Variants in FER1L6 observed in about 807,000 individuals in gnomAD.
FER1L6 encodes fer-1 like family member 6.
FER1L6 carries 177 observed loss-of-function variants against 219.2 expected under a neutral mutation model. That is an observed-to-expected ratio of 0.81 (90% CI 0.71 to 0.91). FER1L6 has a LOEUF of 0.91. FER1L6 is among the 40% of genes least tolerant of loss of function. The pLI is 0.00. For missense variants in FER1L6, 2,153 were observed against 2,259.9 expected (o/e 0.95, Z 0.96); for synonymous variants, 768 against 824.3 (o/e 0.93, Z 1.17).
chr8:124,034,038 A>G (rs1031947068), intron 18 of FER1L6, among the ~76,000 whole-genome samples: 3 of 152,148 alleles, frequency 2.0e-5, no homozygotes, highest in Non-Finnish European at 4.4e-5. Flanking sequence ...GCAAACAGCC[A>G]TGCTCAATTT....
chr8:123,891,819 A>G (rs1226924312), intron 1 of FER1L6, among the ~76,000 whole-genome samples: 1 of 152,230 alleles, frequency 6.6e-6, no homozygotes, highest in East Asian at 1.9e-4. Flanking sequence ...TTTGTGAGAC[A>G]CAGGGCCAGA....
chr8:123,966,555 C>A (rs1453097447), intron 5 of FER1L6, among the ~76,000 whole-genome samples: 2 of 152,152 alleles, frequency 1.3e-5, no homozygotes, highest in African/African-American at 2.4e-5. Flanking sequence ...TTATTATCAG[C>A]TCATTTTCAT....
At chr8:124,080,627 G>GT (rs1481433710) in intron 32 of FER1L6, among the ~76,000 whole-genome samples, 1 of 152,038 alleles carries the variant, frequency 6.6e-6, no homozygotes, top group Non-Finnish European at 1.5e-5. Context: ...CCTGTTTTTG[G>GT]TAACTTTTAT....
intron 12 of FER1L6, among the ~76,000 whole-genome samples, chr8:123,989,520 T>C (rs550212443): frequency 1.6e-4 from 24 of 152,332 alleles, no homozygotes; most frequent in Admixed American, 1.4e-3. Flanking sequence ...ACCCAAGCAG[T>C]GTACATTGTA....
chr8:124,015,849 GA>G (rs761891805), intron 15 of FER1L6: 8 of 152,380 alleles, frequency 5.3e-5, no homozygotes, highest in Non-Finnish European at 1.2e-4. Flanking sequence ...TTTATATCTG[GA>G]AAAGTTAGGT....
At chr8:124,060,804 A>G in intron 24 of FER1L6, 95 bp downstream of exon 24, 1 of 1,363,670 alleles carries the variant, frequency 7.3e-7, no homozygotes, top group Non-Finnish European at 1.0e-6. Flanking sequence ...TGCGAGAAAG[A>G]ATTAATTTAG....
At position 123,980,536 on chromosome 8, in the gene FER1L6, G is replaced by C; in HGVS notation, c.1135G>C (p.Asp379His). ...GSPRNHSLMD[D>H]YQEMNEGFGE... is the part of the protein sequence containing the mutation. ...GCCCAGGAACCACAGTCTGATGGAT[G>C]ACTACCAGGAAATGAACGAAGGCTT... Residue 379 changes from aspartate to histidine, a missense_variant, in exon 11 of 41, where the codon GAC becomes CAC. Asp to His is a moderately conservative substitution (Grantham distance 81). Transcript: ENST00000522917. The C allele has an allele frequency of 9.9e-6, 16 of 1,614,114 alleles. No homozygotes were observed. The highest frequency in any genetic ancestry group is 1.3e-5 in the Non-Finnish European group (15 of 1,180,006).
chr8:123,980,413 C>A (rs371422017), intron 10 of FER1L6, 52 bp from the exon 11 acceptor site: 2 of 1,454,904 alleles, frequency 1.4e-6, no homozygotes, highest in African/African-American at 1.4e-5. Context: ...ATGTGTGCAA[C>A]TTTTATAAAG....
At chr8:123,976,534 C>T (rs187494801) in intron 9 of FER1L6, among the ~76,000 whole-genome samples, 5 of 151,196 alleles carry the variant, frequency 3.3e-5, no homozygotes, top group East Asian at 3.9e-4. Flanking sequence ...GAAAAGGCAA[C>T]GGGATGTGGC....
chr8:123,945,492 T>A (rs1244886604), intron 1 of FER1L6, among the ~76,000 whole-genome samples: 1 of 152,256 alleles, frequency 6.6e-6, no homozygotes, highest in African/African-American at 2.4e-5. Flanking sequence ...ATGTTTGATT[T>A]CATGGGTTGA....
rs572874950 is a variant in FER1L6 at position 124,081,211 on chromosome 8, T to A, written c.4221-1077T>A. On this transcript the variant is annotated intron_variant, in intron 32 of 40. Transcript: ENST00000522917. ...TCATCCTGTACCAGAGCAGACAGTC[T>A]ACACAGCTGGAGAATACTGCTGTGT... Among the ~76,000 whole-genome samples the A allele has an allele frequency of 7.2e-5, 11 of 152,314 alleles. No homozygotes were observed. The South Asian group carries it at 2.3e-3, about 32-fold the overall frequency.
intron 1 of FER1L6, among the ~76,000 whole-genome samples, chr8:123,903,575 G>T (rs1031478987): frequency 6.6e-6 from 1 of 152,058 alleles, no homozygotes; most frequent in Non-Finnish European, 1.5e-5. Context: ...GCTTCAAAGA[G>T]CATGTTTACG....
At chr8:124,050,925 G>A (rs531376480) in intron 22 of FER1L6, among the ~76,000 whole-genome samples, 1 of 152,174 alleles carries the variant, frequency 6.6e-6, no homozygotes, top group African/African-American at 2.4e-5. Flanking sequence ...TCATAACAAT[G>A]TCTATATAGG....
intron 38 of FER1L6, 91 bp from the exon 39 acceptor site, chr8:124,103,055 G>A (rs958094865): frequency 1.5e-5 from 17 of 1,152,804 alleles, no homozygotes; most frequent in Non-Finnish European, 2.2e-5. Context: ...AGGAAGTGAA[G>A]GGTGAATGAA....
intron 7 of FER1L6, among the ~76,000 whole-genome samples, chr8:123,974,402 G>A (rs923433670): frequency 3.3e-5 from 5 of 151,998 alleles, no homozygotes; most frequent in African/African-American, 7.3e-5. Flanking sequence ...TTGAGAGGTC[G>A]AGGTGGGTGG....
rs193196757 is a variant in FER1L6, at chr8:123,964,533, C to T, written c.197+1135C>T. The stretch of plus-strand genomic sequence containing the variant: ...TGTACACACCTACTCACTGCAATAT[C>T]TCCTTCCTTCCTTTGCCGCACCCTG... On this transcript the variant is annotated intron_variant, in intron 3 of 40. Coordinates refer to ENST00000522917, the MANE Select transcript of FER1L6 (RefSeq NM_001039112.2). Among the ~76,000 whole-genome samples the T allele has an allele frequency of 6.6e-5, 10 of 152,262 alleles. No homozygotes were observed. The East Asian group carries it at 1.9e-3, about 29-fold the overall frequency.
At chr8:123,860,880 A>C (rs1816733829) in intron 1 of FER1L6, among the ~76,000 whole-genome samples, 1 of 83,238 alleles carries the variant, frequency 1.2e-5, no homozygotes, top group African/African-American at 5.5e-5. Flanking sequence ...TCTGGATATT[A>C]GCCCTTTGTC....
chr8:124,119,601 C>G lies in FER1L6; in HGVS notation c.5391-6C>G. ...CCTTTTTGATTTTCTCTTCCTTCCCCCTCAGCCGCCCAGACACCTCCTTTT... is the reference window on the plus strand; with the variant it reads ...CCTTTTTGATTTTCTCTTCCTTCCCGCTCAGCCGCCCAGACACCTCCTTTT... On this transcript the variant is annotated splice_polypyrimidine_tract_variant and splice_region_variant and intron_variant, in intron 40 of 40. Coordinates refer to ENST00000522917, the MANE Select transcript of FER1L6 (RefSeq NM_001039112.2). 2 of 1,604,050 alleles carry G rather than the reference C, an allele frequency of 1.2e-6. No homozygotes were observed. Among genetic ancestry groups the G allele is most frequent in the African/African-American group, 2.7e-5 (2 of 74,714 alleles).
chr8:123,904,028 T>C (rs2129743193), intron 1 of FER1L6, among the ~76,000 whole-genome samples: 1 of 152,276 alleles, frequency 6.6e-6, no homozygotes, highest in African/African-American at 2.4e-5. Context: ...CAGAAGACTT[T>C]AAGGCATGGC....
Sources: gnomAD v4.1 joint callset for allele counts (sites outside exome capture counted in the v4.1 genomes callset) on GRCh38, gnomAD v4.1.1 for gene constraint, MANE v1.5 for transcripts, NCBI Gene and HGNC (gene_info 2026-07-23, HGNC 2026-07-21) for gene names.